CNTN4: variants seen among roughly 807,000 people sequenced by gnomAD.
CNTN4 encodes the protein contactin 4.
A neutral mutation model predicts 122.5 loss-of-function variants in CNTN4; 77 were observed. The observed-to-expected ratio is 0.63, with a 90% CI of 0.52 to 0.76. The LOEUF (loss-of-function observed/expected upper bound fraction) is 0.76. CNTN4 is among the 30% of genes least tolerant of loss of function. The pLI is 0.00. For synonymous variants in CNTN4, 512 were observed against 447.0 expected (o/e 1.15, Z -1.83); for missense variants, 1,256 against 1,259.1 (o/e 1.00, Z 0.04).
At chr3:2,114,919 A>C (rs1340119855) in intron 2 of CNTN4, among the ~76,000 whole-genome samples, 1 of 152,204 alleles carries the variant, frequency 6.6e-6, no homozygotes, top group Non-Finnish European at 1.5e-5. Context: ...AAGGAAATTT[A>C]ATGCTGTTTG....
At chr3:2,838,154 C>T (rs1015667949) in intron 7 of CNTN4, among the ~76,000 whole-genome samples, 1 of 152,134 alleles carries the variant, frequency 6.6e-6, no homozygotes, top group African/African-American at 2.4e-5. Context: ...CACATGTGAC[C>T]TCTCTGGTTT....
At chr3:2,503,749 T>C (rs920643279) in intron 3 of CNTN4, among the ~76,000 whole-genome samples, 2 of 152,070 alleles carry the variant, frequency 1.3e-5, no homozygotes, top group Non-Finnish European at 2.9e-5. Flanking sequence ...GGAGAGAATA[T>C]ATTTACATAG....
chr3:2,555,532 G>T (rs1012914087), intron 3 of CNTN4, among the ~76,000 whole-genome samples: 6 of 152,276 alleles, frequency 3.9e-5, no homozygotes, highest in Middle Eastern at 3.4e-3. Context: ...CCTGAATGCT[G>T]TCAAAGCACA....
At chr3:2,681,766 G>A (rs1175576597) in intron 4 of CNTN4, among the ~76,000 whole-genome samples, 1 of 151,628 alleles carries the variant, frequency 6.6e-6, no homozygotes, top group Admixed American at 6.6e-5. Flanking sequence ...TTCTATTGCA[G>A]GTGATTATAT....
At chr3:2,539,830 T>C (rs1004321126) in intron 3 of CNTN4, among the ~76,000 whole-genome samples, 2 of 152,078 alleles carry the variant, frequency 1.3e-5, no homozygotes, top group Admixed American at 6.6e-5. Context: ...TGATAACTGA[T>C]ATTCAGGATT....
chr3:2,855,990 A>G (rs1186898497), intron 7 of CNTN4, among the ~76,000 whole-genome samples: 1 of 152,132 alleles, frequency 6.6e-6, no homozygotes, highest in African/African-American at 2.4e-5. Context: ...TTGATTTACC[A>G]TTAATGGTCT....
intron 6 of CNTN4, among the ~76,000 whole-genome samples, chr3:2,819,248 A>G (rs2092809620): frequency 6.6e-6 from 1 of 152,192 alleles, no homozygotes. Context: ...TTTAATTTTA[A>G]TTATTTTAAA....
At chr3:2,193,945 A>G (rs1380236621) in intron 2 of CNTN4, among the ~76,000 whole-genome samples, 1 of 152,186 alleles carries the variant, frequency 6.6e-6, no homozygotes, top group Non-Finnish European at 1.5e-5. Flanking sequence ...AATACACTCT[A>G]TAATATTCCC....
chr3:2,267,957 G>C (rs1442101440), intron 2 of CNTN4, among the ~76,000 whole-genome samples: 1 of 152,078 alleles, frequency 6.6e-6, no homozygotes, highest in Non-Finnish European at 1.5e-5. Flanking sequence ...GAGGTAATGA[G>C]AAGTGATCAT....
rs900671018 is a variant in CNTN4 at position 2,373,212 on chromosome 3, T to A, written c.-89+33979T>A. Among the ~76,000 whole-genome samples, 9 of 152,216 alleles carry A rather than the reference T, an allele frequency of 5.9e-5. No individual in the cohort carries two copies. In the East Asian group the frequency reaches 1.7e-3, roughly 29 times the overall value. On this transcript the variant is annotated intron_variant, in intron 3 of 24. Transcript: ENST00000418658. ...ACAGATTCAGTGATGACTGTTGTTCTTTAGTTAACCTCAGAAAATCTGTGA... is the reference window on the plus strand; with the variant it reads ...ACAGATTCAGTGATGACTGTTGTTCATTAGTTAACCTCAGAAAATCTGTGA...
intron 2 of CNTN4, among the ~76,000 whole-genome samples, chr3:2,327,133 A>ATGTGTGTGTGTG (rs143040725): frequency 1.3e-5 from 2 of 149,564 alleles, no homozygotes; most frequent in East Asian, 4.0e-4. Flanking sequence ...CTGGGAATAG[A>ATGTGTGTGTGTG]TGTGTGTGTG....
chr3:2,705,824 A>T (rs2086675524), intron 4 of CNTN4, among the ~76,000 whole-genome samples: 1 of 105,098 alleles, frequency 9.5e-6, no homozygotes, highest in Non-Finnish European at 1.7e-5. Flanking sequence ...ATAATATATA[A>T]TAAATATATA....
intron 4 of CNTN4, among the ~76,000 whole-genome samples, chr3:2,600,008 C>CT (rs71058630): frequency 0.17 from 7,159 of 41,346 alleles, 1,342 homozygotes; most frequent in East Asian, 0.46. Context: ...TGGAATTCTT[C>CT]TTTTTTTTTT....
At chr3:2,679,491 TG>T (rs1044691662) in intron 4 of CNTN4, among the ~76,000 whole-genome samples, 2 of 152,138 alleles carry the variant, frequency 1.3e-5, no homozygotes, top group African/African-American at 4.8e-5. Flanking sequence ...CTGAGGGGCA[TG>T]GAAGTGTGAT....
intron 4 of CNTN4, among the ~76,000 whole-genome samples, chr3:2,607,519 A>C (rs2081307040): frequency 6.6e-6 from 1 of 151,862 alleles, no homozygotes; most frequent in South Asian, 2.1e-4. Flanking sequence ...GTGAAAATAA[A>C]AAATTTCAAA....
chr3:2,764,650 C>G (rs2090757821), intron 6 of CNTN4, among the ~76,000 whole-genome samples: 1 of 152,214 alleles, frequency 6.6e-6, no homozygotes, highest in South Asian at 2.1e-4. Flanking sequence ...TCCCATTAAG[C>G]ATGCTCAGTG....
intron 7 of CNTN4, among the ~76,000 whole-genome samples, chr3:2,856,030 A>G (rs1490355539): frequency 6.6e-6 from 1 of 152,172 alleles, no homozygotes; most frequent in African/African-American, 2.4e-5. Flanking sequence ...CTTATTTACA[A>G]GCGACTTCTT....
Position 2,270,201 on chromosome 3 carries a change from G to A in CNTN4, c.-144-68977G>A, listed in dbSNP as rs531421347. On this transcript the variant is annotated intron_variant, in intron 2 of 24. Coordinates refer to ENST00000418658, the MANE Select transcript of CNTN4 (RefSeq NM_175607.3). The stretch of plus-strand genomic sequence containing the variant: ...CCTGACCTCATGATCCACCCGCCTC[G>A]GCCTCCCAAAGTGCTGGGATTACAG... Among the ~76,000 whole-genome samples, 4 of 137,626 alleles carry A rather than the reference G, an allele frequency of 2.9e-5. 2 individuals are homozygous for A. Among genetic ancestry groups the A allele is most frequent in the Non-Finnish European group, 6.4e-5 (4 of 62,792 alleles). The allele number at this position is 137,626 out of a possible 152,430, so 90.3% of individuals were successfully genotyped here.
At chr3:2,256,630 G>T (rs991133444) in intron 2 of CNTN4, among the ~76,000 whole-genome samples, 3 of 152,042 alleles carry the variant, frequency 2.0e-5, no homozygotes, top group African/African-American at 7.2e-5. Flanking sequence ...TGCAAGGCTG[G>T]TTCAACATAC....
Sources: allele counts gnomAD v4.1 joint callset (sites outside exome capture counted in the v4.1 genomes callset), GRCh38; gene constraint gnomAD v4.1.1; transcripts MANE v1.5; gene names NCBI Gene and HGNC (gene_info 2026-07-23, HGNC 2026-07-21).